Variants in KIAA1755 observed in about 807,000 individuals in gnomAD.
KIAA1755 encodes the protein uncharacterized protein KIAA1755.
Under a neutral mutation model 91.7 loss-of-function variants are expected in KIAA1755, and 68 were observed. The observed-to-expected ratio is 0.74, with a 90% CI of 0.61 to 0.91. KIAA1755 has a LOEUF of 0.91. Among genes scored for constraint, KIAA1755 ranks in the 40% least tolerant of loss-of-function variants. The pLI, the probability that KIAA1755 is intolerant of heterozygous loss-of-function variation, is 0.00. For synonymous variants in KIAA1755, 610 were observed against 604.6 expected, an observed-to-expected ratio of 1.01 and a Z score of -0.13; for missense variants, 1,535 against 1,494.4, an observed-to-expected ratio of 1.03 and a Z score of -0.45.
chr20:38,244,800 C>G (rs4514936), intron 2 of KIAA1755, among the ~76,000 whole-genome samples: 6,535 of 152,238 alleles, frequency 0.043, 214 homozygotes, highest in African/African-American at 0.092. Flanking sequence ...CCTCTGCCTC[C>G]TGGGTTCAAG....
chr20:38,214,885 A>T (rs1358226892), intron 13 of KIAA1755, among the ~76,000 whole-genome samples: 2 of 152,272 alleles, frequency 1.3e-5, no homozygotes, highest in East Asian at 3.8e-4. Flanking sequence ...GGATTGGAGA[A>T]CCATTTTCTC....
At chr20:38,250,618 G>A (rs1305910170) in intron 1 of KIAA1755, among the ~76,000 whole-genome samples, 1 of 151,790 alleles carries the variant, frequency 6.6e-6, no homozygotes, top group Non-Finnish European at 1.5e-5. Context: ...ACAGAGGGAG[G>A]AGGATTCTAA....
rs771403658 is a variant in KIAA1755 at position 38,213,772 on chromosome 20, G to A, written c.2902-29C>T. The A allele has an allele frequency of 1.1e-5, 16 of 1,412,072 alleles. No individual in the cohort carries two copies. In the African/African-American group the frequency reaches 2.3e-4, roughly 20 times the overall value. 87.5% of individuals were successfully genotyped at this position (1,412,072 alleles called of 1,614,324 possible). On this transcript the variant is annotated intron_variant, in intron 13 of 13. Transcript: ENST00000279024. ...GGGGACAAGAAGAGAGGGAGGTGGG[G>A]GCTCAGGCTGGAAGTGGGACCATGG...
At chr20:38,223,164 C>G (rs2075692633) in intron 9 of KIAA1755, 1 of 198,582 alleles carries the variant, frequency 5.0e-6, no homozygotes, top group Admixed American at 6.0e-5. Context: ...GGCTCCTTCT[C>G]AAACTTCAAG....
At chr20:38,217,121 T>A in intron 13 of KIAA1755, 132 bp downstream of exon 13, 1 of 731,376 alleles carries the variant, frequency 1.4e-6, no homozygotes, top group South Asian at 1.7e-5. Context: ...GGGGGCTGTG[T>A]CTAGGTATCC....
At position 38,217,523 on chromosome 20, in the gene KIAA1755, G is replaced by T. The variant is rs749911290; in HGVS notation, c.2680-49C>A. The T allele has an allele frequency of 7.8e-6, 11 of 1,415,850 alleles. No homozygotes were observed. In the Admixed American group the frequency reaches 2.2e-4, roughly 28 times the overall value. The allele number at this position is 1,415,850 out of a possible 1,614,324, so 87.7% of individuals were successfully genotyped here. On this transcript the variant is annotated intron_variant, in intron 12 of 13. Transcript: ENST00000279024. ...CCCACTCAGCACCCACCTTGGCTGG[G>T]GCCTCCCTCGGAGGTCAGCAACCTC...
At chr20:38,253,130 G>A (rs1160726515) in intron 1 of KIAA1755, among the ~76,000 whole-genome samples, 1 of 152,200 alleles carries the variant, frequency 6.6e-6, no homozygotes, top group Non-Finnish European at 1.5e-5. Context: ...AAAGGAAGAA[G>A]GTGAGACGAG....
At chr20:38,255,381 G>A (rs1359892926) in intron 1 of KIAA1755, among the ~76,000 whole-genome samples, 1 of 152,176 alleles carries the variant, frequency 6.6e-6, no homozygotes, top group Non-Finnish European at 1.5e-5. Context: ...GGGGAATAGA[G>A]GGGCTTGGGG....
Position 38,236,050 on chromosome 20 carries a change from C to T in KIAA1755, c.1747+3478G>A, listed in dbSNP as rs374598441. Among the ~76,000 whole-genome samples the T allele has an allele frequency of 4.2e-4, 64 of 152,326 alleles. 1 individual carries two copies. The East Asian group carries it at 0.01, about 24-fold the overall frequency. On this transcript the variant is annotated intron_variant, in intron 4 of 13. Transcript: ENST00000279024. ...GAGACCACTGCAGCAGGCAAGAGAC[C>T]ACGCTGGTTTGGACTTGGGTGGGGT...
intron 2 of KIAA1755, among the ~76,000 whole-genome samples, chr20:38,242,213 G>T (rs2076082382): frequency 6.6e-6 from 1 of 152,176 alleles, no homozygotes; most frequent in South Asian, 2.1e-4. Flanking sequence ...CCCTTGCTTG[G>T]CTCATGCTCC....
intron 13 of KIAA1755, 136 bp downstream of exon 13, chr20:38,217,117 T>C: frequency 4.3e-6 from 3 of 690,768 alleles, no homozygotes; most frequent in Non-Finnish European, 7.3e-6. Context: ...GGGGGGGGGC[T>C]GTGTCTAGGT....
rs1335791831 is a variant in KIAA1755 at position 38,211,864 on chromosome 20, G to A, written c.*1178C>T. ...TCCAGGAGGCAATTCTCTTTGCCAA[G>A]ACCAATGGAGCTGGCTGTGCGTGCT... On this transcript the variant is annotated 3_prime_UTR_variant, in exon 14 of 14. Transcript: ENST00000279024. 2 of 152,236 alleles carry A rather than the reference G, an allele frequency of 1.3e-5. No homozygotes were observed. The highest frequency in any genetic ancestry group is 6.5e-5 in the Admixed American group (1 of 15,284). The allele number at this position is 152,236 out of a possible 1,614,324, so 9.4% of individuals were successfully genotyped here.
Position 38,225,778 on chromosome 20 carries a change from C to A in KIAA1755, c.2056G>T (p.Glu686Ter). 6.5e-7 allele frequency: 1 copy of A among 1,538,728 alleles called. No individual in the cohort carries two copies. The highest frequency in any genetic ancestry group is 1.3e-5 in the South Asian group (1 of 79,694). Residue 686 changes from glutamate to a stop codon, truncating the protein, a stop_gained, in exon 8 of 14, where the codon GAG becomes TAG. Coordinates refer to ENST00000279024, the MANE Select transcript of KIAA1755 (RefSeq NM_001029864.2). LOFTEE classifies it high-confidence loss of function. Reference protein sequence around the residue: ...QLQTLPDVQVEVLTSLKALSH... With the variant: ...QLQTLPDVQV ...AGGGCCTTCAATGAGGTCAGCACCT[C>A]CACCTGCAGACCAAAGAATCAGGAG...
intron 6 of KIAA1755, 44 bp downstream of exon 6, chr20:38,228,103 G>T (rs773135556): frequency 6.9e-7 from 1 of 1,455,106 alleles, no homozygotes; most frequent in East Asian, 2.4e-5. Flanking sequence ...GCCCCTGGTG[G>T]CTCCCAGGAC....
In KIAA1755 at chr20:38,240,817, C is replaced by G. The variant is rs1248780108; in HGVS notation, c.1314G>C (p.Lys438Asn). ...TTCTCTCTTTGGTCTTCACCTCTAT[C>G]TTTGTTTCAGAGGCTGCAGCTGCAG... ...ASPAAAASET[K>N]IEVKTKERNG... Residue 438 changes from lysine to asparagine, a missense_variant, in exon 3 of 14, where the codon AAG becomes AAC. Physicochemically the swap from Lys to Asn is moderately conservative, Grantham distance 94. Transcript: ENST00000279024. 1.2e-6 allele frequency: 2 copies of G among 1,613,856 alleles called. No homozygotes were observed. The highest frequency in any genetic ancestry group is 1.7e-6 in the Non-Finnish European group (2 of 1,179,902).
intron 12 of KIAA1755, chr20:38,217,932 T>C (rs1337907353): frequency 5.2e-5 from 23 of 442,696 alleles, no homozygotes; most frequent in Non-Finnish European, 4.9e-5. Context: ...CGCATCACGT[T>C]GATGCAGCTT....
rs2123060809 is a variant in KIAA1755, at chr20:38,217,236, TG to T, written c.2901+16del. ...GGGGATCGGGGGGTATCTGTGCAGGTGGGCCGCGGGGCTCACCCTCTTGCAG... is the reference window on the plus strand; with the variant it reads ...GGGGATCGGGGGGTATCTGTGCAGGTGGCCGCGGGGCTCACCCTCTTGCAG... On this transcript the variant is annotated intron_variant, in intron 13 of 13. Transcript: ENST00000279024. The T allele has an allele frequency of 6.3e-7, 1 of 1,577,502 alleles. No homozygotes were observed. The highest frequency in any genetic ancestry group is 8.6e-7 in the Non-Finnish European group (1 of 1,164,386).
At chr20:38,253,338 C>G (rs951859127) in intron 1 of KIAA1755, among the ~76,000 whole-genome samples, 9 of 152,216 alleles carry the variant, frequency 5.9e-5, no homozygotes, top group Non-Finnish European at 1.2e-4. Context: ...GCGTATACTT[C>G]CATTTCAATG....
chr20:38,254,915 G>A (rs1294996279), intron 1 of KIAA1755, among the ~76,000 whole-genome samples: 2 of 152,122 alleles, frequency 1.3e-5, no homozygotes, highest in Admixed American at 1.3e-4. Context: ...GGTGGCTCAT[G>A]CCTGTAATCC....
Sources: allele counts gnomAD v4.1 joint callset (sites outside exome capture counted in the v4.1 genomes callset), GRCh38; gene constraint gnomAD v4.1.1; transcripts MANE v1.5; gene names NCBI Gene and HGNC (gene_info 2026-07-23, HGNC 2026-07-21).